RANBP17: variants seen among roughly 807,000 people sequenced by gnomAD.
RANBP17 encodes the protein RAN binding protein 17, also known as ran-binding protein 17.
RANBP17 carries 158 observed loss-of-function variants against 141.2 expected under a neutral mutation model. The observed-to-expected ratio is 1.12, with a 90% confidence interval of 0.98 to 1.28. The LOEUF is 1.28. Ranked by LOEUF, RANBP17 falls within the 50% of genes most tolerant of loss-of-function variation. RANBP17 has a pLI of 0.00. For synonymous variants in RANBP17, 430 were observed against 450.0 expected (o/e 0.96, Z 0.56); for missense variants, 1,438 against 1,290.7 (o/e 1.11, Z -1.75).
chr5:171,168,224 A>G (rs1453425475), intron 14 of RANBP17, among the ~76,000 whole-genome samples: 1 of 152,198 alleles, frequency 6.6e-6, no homozygotes, highest in African/African-American at 2.4e-5. Flanking sequence ...CATAAAGGAG[A>G]GTTCAACTCA....
At chr5:171,286,347 G>A (rs1178235974) in intron 25 of RANBP17, among the ~76,000 whole-genome samples, 2 of 152,172 alleles carry the variant, frequency 1.3e-5, no homozygotes, top group Non-Finnish European at 2.9e-5. Flanking sequence ...GGGAGAGCAG[G>A]TCATCTGTAA....
intron 12 of RANBP17, among the ~76,000 whole-genome samples, chr5:170,945,373 G>T (rs553501601): frequency 1.3e-5 from 2 of 152,080 alleles, no homozygotes; most frequent in East Asian, 3.9e-4. Flanking sequence ...ACAGAACCAC[G>T]TTAAAAAGGG....
chr5:170,927,016 C>T (rs1772984113), intron 12 of RANBP17, among the ~76,000 whole-genome samples: 1 of 152,064 alleles, frequency 6.6e-6, no homozygotes, highest in Non-Finnish European at 1.5e-5. Flanking sequence ...ACCATTCCAT[C>T]CACTGTTGAC....
intron 14 of RANBP17, among the ~76,000 whole-genome samples, chr5:171,050,917 C>G (rs1321408976): frequency 3.9e-5 from 6 of 152,080 alleles, no homozygotes; most frequent in Non-Finnish European, 7.4e-5. Flanking sequence ...GATGTATTCT[C>G]TAATAGAATT....
intron 14 of RANBP17, among the ~76,000 whole-genome samples, chr5:170,986,526 A>G (rs1166760066): frequency 6.6e-6 from 1 of 151,950 alleles, no homozygotes; most frequent in Non-Finnish European, 1.5e-5. Flanking sequence ...TACACACTGT[A>G]TGCCTTTATC....
chr5:171,191,618 C>T (rs1375947330), intron 18 of RANBP17, among the ~76,000 whole-genome samples: 1 of 151,726 alleles, frequency 6.6e-6, no homozygotes, highest in Non-Finnish European at 1.5e-5. Flanking sequence ...ACCCCGGAGG[C>T]GGAGCTTGCA....
chr5:170,999,766 A>G (rs1012175559), intron 14 of RANBP17, among the ~76,000 whole-genome samples: 2 of 152,166 alleles, frequency 1.3e-5, no homozygotes, highest in African/African-American at 4.8e-5. Flanking sequence ...AAAATTTACT[A>G]TCTTAACCAT....
At chr5:171,060,557 C>T (rs904158068) in intron 14 of RANBP17, among the ~76,000 whole-genome samples, 23 of 152,028 alleles carry the variant, frequency 1.5e-4, no homozygotes, top group East Asian at 5.8e-4. Context: ...GTGCTGGATT[C>T]GGTTTGTCAG....
At chr5:171,192,237 G>A (rs1257490812) in intron 18 of RANBP17, among the ~76,000 whole-genome samples, 1 of 152,118 alleles carries the variant, frequency 6.6e-6, no homozygotes, top group Non-Finnish European at 1.5e-5. Flanking sequence ...GGGGATGGGG[G>A]AGTGGGCAGT....
rs368765334 is a variant in RANBP17, at chr5:170,960,610, C to T, written c.1574+6908C>T. Among the ~76,000 whole-genome samples the T allele has an allele frequency of 4.1e-4, 62 of 152,290 alleles. 1 individual carries two copies. The South Asian group carries it at 0.012, about 31-fold the overall frequency. The stretch of plus-strand genomic sequence containing the variant: ...TAGTCCACCTATCCTATCTCCTCTG[C>T]CAGTTTAGCTACTATCATCTTTCAC... On this transcript the variant is annotated intron_variant, in intron 13 of 27. Coordinates refer to ENST00000523189, the MANE Select transcript of RANBP17 (RefSeq NM_022897.5).
chr5:170,924,058 C>G (rs1047226794), intron 11 of RANBP17, among the ~76,000 whole-genome samples: 1 of 150,798 alleles, frequency 6.6e-6, no homozygotes, highest in Non-Finnish European at 1.5e-5. Context: ...AGTGCAGTGG[C>G]GCAATCTTAG....
At chr5:170,925,402 A>G (rs920358216) in intron 12 of RANBP17, among the ~76,000 whole-genome samples, 7 of 151,984 alleles carry the variant, frequency 4.6e-5, no homozygotes, top group Middle Eastern at 3.4e-3. Context: ...TTTTTCTTTT[A>G]TGGGATCTTA....
chr5:170,862,643 G>C (rs1037479783), intron 1 of RANBP17, among the ~76,000 whole-genome samples: 2 of 152,222 alleles, frequency 1.3e-5, no homozygotes, highest in Non-Finnish European at 2.9e-5. Context: ...CCGCCTCTTC[G>C]GAGGAGGAAA....
intron 14 of RANBP17, among the ~76,000 whole-genome samples, chr5:170,987,718 C>T (rs1342839172): frequency 2.0e-5 from 3 of 151,536 alleles, no homozygotes; most frequent in African/African-American, 7.3e-5. Flanking sequence ...AATAGATTTG[C>T]CAAATTCTAC....
At chr5:171,283,298 T>C (rs906968102) in intron 25 of RANBP17, among the ~76,000 whole-genome samples, 1 of 152,214 alleles carries the variant, frequency 6.6e-6, no homozygotes, top group Non-Finnish European at 1.5e-5. Flanking sequence ...GACTGTGACT[T>C]GTTCATCTGT....
chr5:170,948,151 A>G (rs891443327), intron 12 of RANBP17, among the ~76,000 whole-genome samples: 1 of 152,180 alleles, frequency 6.6e-6, no homozygotes, highest in Non-Finnish European at 1.5e-5. Flanking sequence ...CTGTGTGAGT[A>G]CTGGCAAAGA....
At chr5:171,096,826 A>G (rs546461159) in intron 14 of RANBP17, among the ~76,000 whole-genome samples, 1 of 152,250 alleles carries the variant, frequency 6.6e-6, no homozygotes, top group South Asian at 2.1e-4. Context: ...AGCCTACTTT[A>G]TCAACAACAA....
intron 1 of RANBP17, among the ~76,000 whole-genome samples, chr5:170,866,551 T>C (rs534530756): frequency 6.6e-6 from 1 of 152,178 alleles, no homozygotes; most frequent in South Asian, 2.1e-4. Flanking sequence ...GGCGGGTGCC[T>C]GTATTCCCAG....
At chr5:171,181,453 G>GAA (rs200716648) in intron 16 of RANBP17, among the ~76,000 whole-genome samples, 2 of 136,782 alleles carry the variant, frequency 1.5e-5, no homozygotes, top group Non-Finnish European at 3.2e-5. Context: ...GTCTGTCTCA[G>GAA]AAAAAAAAAA....
Sources: gnomAD v4.1 joint callset for allele counts (sites outside exome capture counted in the v4.1 genomes callset) on GRCh38, gnomAD v4.1.1 for gene constraint, MANE v1.5 for transcripts, NCBI Gene and HGNC (gene_info 2026-07-23, HGNC 2026-07-21) for gene names.